Variants in ACTN1 observed in about 807,000 individuals in gnomAD.
The protein encoded by ACTN1 is actinin alpha 1.
In ACTN1, 30 loss-of-function variants were observed where a neutral mutation model predicts 119.6. That is an observed-to-expected ratio of 0.25 (90% confidence interval 0.19 to 0.34). The LOEUF (loss-of-function observed/expected upper bound fraction) is 0.34, where lower values mean the gene tolerates loss of function less well. ACTN1 is among the 10% of genes least tolerant of loss of function. The pLI, the probability that ACTN1 is intolerant of heterozygous loss-of-function variation, is 1.00. For missense variants in ACTN1, 764 were observed against 1,223.4 expected (o/e 0.62, Z 5.60); for synonymous variants, 429 against 472.6 (o/e 0.91, Z 1.20).
chr14:68,916,142 A>G lies in ACTN1; in HGVS notation c.341-3900T>C, dbSNP rs114608906. Among the ~76,000 whole-genome samples the G allele has an allele frequency of 9.9e-3, 1,505 of 152,360 alleles. 21 individuals are homozygous for G. Among genetic ancestry groups the G allele is most frequent in the African/African-American group, 0.034 (1,424 of 41,588 alleles). On this transcript the variant is annotated intron_variant, in intron 3 of 21. Coordinates refer to ENST00000394419, the MANE Select transcript of ACTN1 (RefSeq NM_001130004.2). Reference sequence around the variant, plus strand: ...AAATTTCATAAACAGTGTTTAAAATATAAGGGAAAAATTTTTTAAGCCTAG... The same window carrying G: ...AAATTTCATAAACAGTGTTTAAAATGTAAGGGAAAAATTTTTTAAGCCTAG...
intron 8 of ACTN1, among the ~76,000 whole-genome samples, chr14:68,901,359 G>A (rs1023891989): frequency 6.7e-6 from 1 of 149,986 alleles, no homozygotes. Context: ...GCGATTCTCT[G>A]GTCTCAGCCT....
chr14:68,940,525 A>G (rs2035729096), intron 1 of ACTN1, among the ~76,000 whole-genome samples: 1 of 152,060 alleles, frequency 6.6e-6, no homozygotes, highest in Non-Finnish European at 1.5e-5. Flanking sequence ...GCACAAAACT[A>G]GACTTACGGT....
chr14:68,943,304 G>A (rs756421070), intron 1 of ACTN1, among the ~76,000 whole-genome samples: 1 of 152,336 alleles, frequency 6.6e-6, no homozygotes, highest in Non-Finnish European at 1.5e-5. Context: ...GGGAAGAAGG[G>A]CAGCTGCAAG....
rs370555455 is a variant in ACTN1, at chr14:68,890,155, G to A, written c.1218C>T (p.His406=). 269 of 1,613,864 alleles carry A rather than the reference G, an allele frequency of 1.7e-4. No homozygotes were observed. Among genetic ancestry groups the A allele is most frequent in the Non-Finnish European group, 2.0e-4 (239 of 1,179,890 alleles). ...TGGCCTCACCGTCAGTCCAGGCCTC[G>A]TGGATGGAGGCCTTCTGCCGGAACT... ...AEKFRQKASI[H]EAWTDGKEAM... is the part of the protein sequence containing the mutation. Residue 406 remains histidine, a synonymous_variant, in exon 11 of 22, where the codon CAC becomes CAT. Coordinates refer to ENST00000394419, the MANE Select transcript of ACTN1 (RefSeq NM_001130004.2).
Position 68,938,465 on chromosome 14 carries a change from C to T in ACTN1, c.106-12793G>A, listed in dbSNP as rs573578641. Among the ~76,000 whole-genome samples the T allele has an allele frequency of 2.0e-5, 3 of 152,134 alleles. No homozygotes were observed. In the South Asian group the frequency reaches 6.2e-4, roughly 32 times the overall value. ...GAGATTTAATCCTAGCCTCAGGATC[C>T]CTATCTGTAAAATGGGGATAACAAG... On this transcript the variant is annotated intron_variant, in intron 1 of 21. Transcript: ENST00000394419.
chr14:68,913,318 A>T (rs1036793453), intron 3 of ACTN1, among the ~76,000 whole-genome samples: 4 of 152,184 alleles, frequency 2.6e-5, no homozygotes, highest in Admixed American at 2.6e-4. Context: ...CCCACTCATC[A>T]CCTGCTTCCA....
intron 1 of ACTN1, among the ~76,000 whole-genome samples, chr14:68,961,538 CG>C (rs1259420336): frequency 6.6e-6 from 1 of 152,136 alleles, no homozygotes; most frequent in Non-Finnish European, 1.5e-5. Flanking sequence ...TCTCACAGGC[CG>C]CCACACGGGG....
intron 1 of ACTN1, among the ~76,000 whole-genome samples, chr14:68,958,318 A>C (rs948023715): frequency 7.2e-5 from 11 of 152,118 alleles, no homozygotes; most frequent in Non-Finnish European, 1.6e-4. Context: ...ACCTAGACAG[A>C]CTACTAGCAG....
chr14:68,962,853 T>C (rs1173112881), intron 1 of ACTN1, among the ~76,000 whole-genome samples: 2 of 151,926 alleles, frequency 1.3e-5, no homozygotes, highest in Non-Finnish European at 1.5e-5. Flanking sequence ...TGGTCTATAA[T>C]CCTCTCAATG....
intron 11 of ACTN1, chr14:68,888,332 G>A: frequency 3.5e-6 from 1 of 286,442 alleles, no homozygotes; most frequent in Non-Finnish European, 6.8e-6. Flanking sequence ...CTGGTGGCTG[G>A]CAAGGCAACG....
In ACTN1 at chr14:68,979,141, A is replaced by AGGGCTGGGCT. The variant is rs61251565; in HGVS notation, c.-95_-86dup. 9 of 414,966 alleles carry AGGGCTGGGCT rather than the reference A, an allele frequency of 2.2e-5. No homozygotes were observed. Among genetic ancestry groups the AGGGCTGGGCT allele is most frequent in the East Asian group, 1.4e-4 (1 of 7,120 alleles). 25.7% of individuals were successfully genotyped at this position (414,966 alleles called of 1,614,324 possible). A position where few individuals can be genotyped will look rare whatever the true frequency, so the allele number is the denominator to read the frequency against. On this transcript the variant is annotated 5_prime_UTR_variant, in exon 1 of 22. Transcript: ENST00000394419. Reference sequence around the variant, plus strand: ...TGCTGCCCTGGCGTGGGGAGGGAGTAGGGCTGGGCTGGGCTGGGCTGGCGG... The same window carrying AGGGCTGGGCT: ...TGCTGCCCTGGCGTGGGGAGGGAGTAGGGCTGGGCTGGGCTGGGCTGGGCTGGGCTGGCGG...
Position 68,878,333 on chromosome 14 carries a change from G to T in ACTN1, c.2427+125C>A. 7.3e-7 allele frequency: 1 copy of T among 1,377,088 alleles called. No individual in the cohort carries two copies. The highest frequency in any genetic ancestry group is 2.5e-5 in the East Asian group (1 of 40,322). 85.3% of individuals were successfully genotyped at this position (1,377,088 alleles called of 1,614,324 possible). A position where few individuals can be genotyped will look rare whatever the true frequency, so the allele number is the denominator to read the frequency against. On this transcript the variant is annotated intron_variant, in intron 20 of 21. Transcript: ENST00000394419. This position sits in a 1 kb window ranked among gnomAD's most constrained non-coding sequence, Gnocchi z 4.4. ...CATCTTCCCCAAGGACATGGGCCCT[G>T]GGGCTCCTCCAGGGAGGGCAGCCCC...
chr14:68,877,318 G>A, intron 20 of ACTN1, 78 bp from the exon 21 acceptor site: 4 of 1,559,834 alleles, frequency 2.6e-6, no homozygotes, highest in Non-Finnish European at 3.5e-6. Flanking sequence ...AGACCCTGGG[G>A]GCTCAGAGCA....
At chr14:68,883,256 T>G in intron 14 of ACTN1, 1 of 598,192 alleles carries the variant, frequency 1.7e-6, no homozygotes, top group Non-Finnish European at 2.9e-6. Context: ...GCTTCATCCT[T>G]AGGGCTGGTC....
At chr14:68,964,359 G>A (rs2036633684) in intron 1 of ACTN1, among the ~76,000 whole-genome samples, 1 of 152,150 alleles carries the variant, frequency 6.6e-6, no homozygotes, top group Non-Finnish European at 1.5e-5. Flanking sequence ...CACAGCACGG[G>A]GACTTCAGTC....
intron 1 of ACTN1, among the ~76,000 whole-genome samples, chr14:68,931,272 G>A (rs1328199340): frequency 6.6e-6 from 1 of 152,258 alleles, no homozygotes; most frequent in Non-Finnish European, 1.5e-5. Context: ...CTGAGTTGAT[G>A]GAACATCAGC....
intron 16 of ACTN1, among the ~76,000 whole-genome samples, chr14:68,881,933 C>CTTTTTTTTTTTTTTTTTTT (rs1566592304): frequency 7.0e-5 from 5 of 70,928 alleles, no homozygotes; most frequent in African/African-American, 3.8e-4. Context: ...TCATAGGCAG[C>CTTTTTTTTTTTTTTTTTTT]TTCTTTTTTT....
intron 1 of ACTN1, among the ~76,000 whole-genome samples, chr14:68,928,206 T>TA (rs535555467): frequency 6.1e-4 from 93 of 152,174 alleles, no homozygotes; most frequent in African/African-American, 2.1e-3. Flanking sequence ...GCTGCTGTCG[T>TA]AAAAAGACAC....
intron 1 of ACTN1, among the ~76,000 whole-genome samples, chr14:68,944,138 G>A (rs1310509077): frequency 1.3e-5 from 2 of 152,222 alleles, no homozygotes; most frequent in African/African-American, 4.8e-5. Context: ...GGCCCCCTGG[G>A]GATGCAGAAT....
Sources: gnomAD v4.1 joint callset for allele counts (sites outside exome capture counted in the v4.1 genomes callset) on GRCh38, gnomAD v4.1.1 for gene constraint, Gnocchi (gnomAD v3.1) non-coding constraint, MANE v1.5 for transcripts, NCBI Gene and HGNC (gene_info 2026-07-23, HGNC 2026-07-21) for gene names.